Variants in CIMIP1 observed in about 807,000 individuals in gnomAD.
CIMIP1 encodes low in lung cancer 1.
chr20:58,160,579 C>A, the CIMIP1 span: 1 of 1,443,940 alleles, frequency 6.9e-7, no homozygotes. Context: ...CTGTCTTTTC[C>A]ACCCCTGCCT....
chr20:58,160,930 C>T, the CIMIP1 span: 5,567 of 1,224,312 alleles, frequency 4.5e-3, 223 homozygotes, highest in African/African-American at 0.076. Context: ...CAGTCCCCTG[C>T]GTACTTGCTC....
chr20:58,158,306 G>A, the CIMIP1 span, among the ~76,000 whole-genome samples: 23 of 152,296 alleles, frequency 1.5e-4, no homozygotes, highest in Admixed American at 7.2e-4. Context: ...TGATTCAGGC[G>A]AGAAAGGTCC....
At chr20:58,156,340 T>C in the CIMIP1 span, among the ~76,000 whole-genome samples, 1 of 151,908 alleles carries the variant, frequency 6.6e-6, no homozygotes, top group African/African-American at 2.4e-5. Flanking sequence ...CTAGGAAAAG[T>C]ATTCTAGGCG....
chr20:58,159,183 CTT>C, the CIMIP1 span, among the ~76,000 whole-genome samples: 3 of 104,084 alleles, frequency 2.9e-5, no homozygotes, highest in East Asian at 2.6e-4. Context: ...GCACTTTCTT[CTT>C]TTTTTTTTTT....
chr20:58,158,721 C>G, the CIMIP1 span, among the ~76,000 whole-genome samples: 1 of 151,986 alleles, frequency 6.6e-6, no homozygotes, highest in African/African-American at 2.4e-5. Flanking sequence ...CATTGGTGAC[C>G]AAAGCCTTTA....
At chr20:58,160,461 A>G in the CIMIP1 span, among the ~76,000 whole-genome samples, 1 of 152,248 alleles carries the variant, frequency 6.6e-6, no homozygotes, top group African/African-American at 2.4e-5. Flanking sequence ...TACACGATAA[A>G]GAAACATGTT....
chr20:58,156,976 T>C, the CIMIP1 span, among the ~76,000 whole-genome samples: 1 of 152,100 alleles, frequency 6.6e-6, no homozygotes, highest in African/African-American at 2.4e-5. Flanking sequence ...TGAGCCCCAA[T>C]GAATGAATGA....
the CIMIP1 span, among the ~76,000 whole-genome samples, chr20:58,153,109 G>A: frequency 4.5e-4 from 69 of 152,318 alleles, no homozygotes; most frequent in African/African-American, 1.7e-3. Context: ...GGGCAAGTGA[G>A]GCACTTGCGC....
chr20:58,152,115 A>G, the CIMIP1 span, among the ~76,000 whole-genome samples: 1 of 152,300 alleles, frequency 6.6e-6, no homozygotes, highest in East Asian at 1.9e-4. Flanking sequence ...GATTTTATGG[A>G]AAACTTCATA....
At chr20:58,156,523 CA>C in the CIMIP1 span, among the ~76,000 whole-genome samples, 1 of 152,008 alleles carries the variant, frequency 6.6e-6, no homozygotes, top group Non-Finnish European at 1.5e-5. Flanking sequence ...GAAGGAGTTG[CA>C]ATTGGAGTCC....
At chr20:58,150,991 G>C in the CIMIP1 span, 2 of 1,609,020 alleles carry the variant, frequency 1.2e-6, no homozygotes, top group Non-Finnish European at 1.7e-6. Context: ...TCAGCACCGC[G>C]GCGGCTGAAC....
At chr20:58,153,551 C>CGTCTGAA in the CIMIP1 span, 1 of 1,613,992 alleles carries the variant, frequency 6.2e-7, no homozygotes, top group East Asian at 2.2e-5. Flanking sequence ...CAGGAAATAC[C>CGTCTGAA]GTCTGAAGGC....
chr20:58,160,487 C>A, the CIMIP1 span, among the ~76,000 whole-genome samples: 1 of 152,184 alleles, frequency 6.6e-6, no homozygotes, highest in Non-Finnish European at 1.5e-5. Context: ...TTCCTCACTT[C>A]CCGGAAAGAT....
chr20:58,156,725 C>A, the CIMIP1 span, among the ~76,000 whole-genome samples: 1 of 152,180 alleles, frequency 6.6e-6, no homozygotes, highest in Non-Finnish European at 1.5e-5. Context: ...GCGGACATGG[C>A]TCAGATCCCT....
At chr20:58,160,582 C>T in the CIMIP1 span, 1 of 1,467,056 alleles carries the variant, frequency 6.8e-7, no homozygotes, top group African/African-American at 1.4e-5. Context: ...TCTTTTCCAC[C>T]CCTGCCTCAC....
chr20:58,153,770 C>T, the CIMIP1 span: 1 of 639,078 alleles, frequency 1.6e-6, no homozygotes, highest in East Asian at 3.0e-5. Flanking sequence ...AAGGTTCCCG[C>T]CTTTCACAGA....
chr20:58,151,024 T>C, the CIMIP1 span: 1 of 1,604,832 alleles, frequency 6.2e-7, no homozygotes. Context: ...TGGGTCAGGA[T>C]GAGATCTGGT....
chr20:58,160,934 C>T, the CIMIP1 span: 1 of 1,195,878 alleles, frequency 8.4e-7, no homozygotes, highest in Non-Finnish European at 1.1e-6. Context: ...CCCCTGCGTA[C>T]TTGCTCATGG....
the CIMIP1 span, among the ~76,000 whole-genome samples, chr20:58,151,626 G>T: frequency 2.6e-5 from 4 of 151,992 alleles, no homozygotes; most frequent in South Asian, 2.1e-4. Context: ...TCTTGGCCAG[G>T]CAGGTCTTGA....
Sources: gnomAD v4.1 joint callset for allele counts (sites outside exome capture counted in the v4.1 genomes callset) on GRCh38, gnomAD v4.1.1 for gene constraint, MANE v1.5 for transcripts, NCBI Gene and HGNC (gene_info 2026-07-23, HGNC 2026-07-21) for gene names.